Variants in MYOM2 observed in about 807,000 individuals in gnomAD.
MYOM2 encodes myomesin 2.
MYOM2 carries 254 observed loss-of-function variants against 187.6 expected under a neutral mutation model. That is an observed-to-expected ratio of 1.35 (90% CI 1.22 to 1.50). The LOEUF is 1.50. Among genes scored for constraint, MYOM2 ranks in the 40% most tolerant of loss-of-function variants. MYOM2 has a pLI of 0.00. For missense variants in MYOM2, 2,796 were observed against 1,924.0 expected, an observed-to-expected ratio of 1.45 and a Z score of -8.48; for synonymous variants, 981 against 753.8, an observed-to-expected ratio of 1.30 and a Z score of -4.94.
chr8:2,115,815 A>AGGTT, intron 25 of MYOM2, 145 bp from the exon 26 acceptor site: 1 of 837,348 alleles, frequency 1.2e-6, no homozygotes, highest in Non-Finnish European at 1.8e-6. Flanking sequence ...GTTCACCCAG[A>AGGTT]GGTTTCCTTG....
At chr8:2,059,079 G>T in intron 5 of MYOM2, 74 bp from the exon 6 acceptor site, 1 of 1,279,816 alleles carries the variant, frequency 7.8e-7, no homozygotes, top group East Asian at 2.3e-5. Flanking sequence ...CAGGCGCGGG[G>T]GAGCTGGGGC....
intron 13 of MYOM2, among the ~76,000 whole-genome samples, chr8:2,079,898 G>A (rs1425035958): frequency 6.6e-6 from 1 of 152,228 alleles, no homozygotes; most frequent in Admixed American, 6.5e-5. Context: ...GACTTGTAGA[G>A]AAGAAACCAA....
intron 6 of MYOM2, among the ~76,000 whole-genome samples, chr8:2,068,867 T>C (rs766418613): frequency 6.6e-6 from 1 of 152,180 alleles, no homozygotes; most frequent in Non-Finnish European, 1.5e-5. Flanking sequence ...CCAGGCAGGC[T>C]CTGTATCATC....
chr8:2,076,246 C>T lies in MYOM2; in HGVS notation c.1226C>T (p.Thr409Ile), dbSNP rs567696131. ...VIVTWKPPNT[T>I]TESPVMGYFV... The stretch of plus-strand genomic sequence containing the variant: ...GTGACCTGGAAGCCGCCCAACACCA[C>T]CACTGAGAGCCCCGTCATGGGCTAT... Residue 409 changes from threonine (T) to isoleucine (I), a missense_variant, in exon 11 of 37, where the codon ACC (threonine) becomes ATC (isoleucine). Thr to Ile is a moderately conservative substitution (Grantham distance 89). Transcript: ENST00000262113. The T allele has an allele frequency of 2.5e-6, 4 of 1,613,642 alleles. No homozygotes were observed. Among genetic ancestry groups the T allele is most frequent in the Non-Finnish European group, 3.4e-6 (4 of 1,179,938 alleles).
chr8:2,134,196 G>A (rs1477985860), intron 32 of MYOM2, among the ~76,000 whole-genome samples: 1 of 152,100 alleles, frequency 6.6e-6, no homozygotes, highest in Non-Finnish European at 1.5e-5. Flanking sequence ...GTCCCATGTT[G>A]TGATTAGGTG....
At chr8:2,125,607 T>TC (rs1797608147) in intron 31 of MYOM2, among the ~76,000 whole-genome samples, 1 of 111,584 alleles carries the variant, frequency 9.0e-6, no homozygotes, top group Non-Finnish European at 1.9e-5. Context: ...ATTTTTCCTT[T>TC]TTTTTTTTTT....
At chr8:2,049,185 G>C (rs1339567305) in intron 1 of MYOM2, among the ~76,000 whole-genome samples, 1 of 152,180 alleles carries the variant, frequency 6.6e-6, no homozygotes, top group African/African-American at 2.4e-5. Flanking sequence ...GCCCTCCCAG[G>C]GTGGGGTGGT....
At chr8:2,068,463 G>A (rs13282519) in intron 6 of MYOM2, among the ~76,000 whole-genome samples, 21,026 of 145,272 alleles carry the variant, frequency 0.14, 1,573 homozygotes, top group East Asian at 0.23. Flanking sequence ...TGCACCAGGC[G>A]GAGAGCATCC....
At chr8:2,054,036 C>T (rs758860599) in intron 3 of MYOM2, among the ~76,000 whole-genome samples, 5 of 152,150 alleles carry the variant, frequency 3.3e-5, no homozygotes, top group African/African-American at 9.7e-5. Context: ...GATGAGTGAG[C>T]CCCGTGCTGA....
chr8:2,094,033 TGTG>T lies in MYOM2; in HGVS notation c.2069_2071del (p.Val690del). The T allele has an allele frequency of 1.2e-6, 2 of 1,614,158 alleles. No homozygotes were observed. The highest frequency in any genetic ancestry group is 1.7e-6 in the Non-Finnish European group (2 of 1,180,032). On this transcript the variant is annotated inframe_deletion, in exon 17 of 37. Transcript: ENST00000262113. Reference sequence around the variant, plus strand: ...TCTTCCGAGTCAAGGCGGTCAATGCTGTGGGGATGAGTGAAAATTCCCAGGAAT... The same window carrying T: ...TCTTCCGAGTCAAGGCGGTCAATGCTGGGATGAGTGAAAATTCCCAGGAAT...
At chr8:2,054,305 C>T (rs544614530) in intron 3 of MYOM2, among the ~76,000 whole-genome samples, 15 of 152,070 alleles carry the variant, frequency 9.9e-5, no homozygotes, top group South Asian at 4.2e-4. Context: ...CTGGAAGATA[C>T]GACCCCGATG....
intron 15 of MYOM2, among the ~76,000 whole-genome samples, chr8:2,092,112 G>C (rs1205408514): frequency 6.6e-6 from 1 of 152,078 alleles, no homozygotes; most frequent in South Asian, 2.1e-4. Flanking sequence ...ATGTCATCCT[G>C]TGTCTCTAGG....
intron 31 of MYOM2, among the ~76,000 whole-genome samples, chr8:2,126,664 G>T (rs1401680822): frequency 1.3e-5 from 2 of 150,928 alleles, no homozygotes; most frequent in African/African-American, 4.9e-5. Context: ...ACCGGGAGAG[G>T]CTGATGGAGG....
rs969506554 is a variant in MYOM2 at position 2,090,938 on chromosome 8, A to T, written c.1828+747A>T. ...AGTGCTGCAATGAACATTCGCATCCATATGTCTTTATGGTAGAATGATTTA... is the reference window on the plus strand; with the variant it reads ...AGTGCTGCAATGAACATTCGCATCCTTATGTCTTTATGGTAGAATGATTTA... On this transcript the variant is annotated intron_variant, in intron 15 of 36. Coordinates refer to ENST00000262113, the MANE Select transcript of MYOM2 (RefSeq NM_003970.4). Among the ~76,000 whole-genome samples, 10 of 149,636 alleles carry T rather than the reference A, an allele frequency of 6.7e-5. 1 individual carries two copies. Among genetic ancestry groups the T allele is most frequent in the Middle Eastern group, 7.3e-3 (2 of 274 alleles).
chr8:2,141,175 C>T lies in MYOM2; in HGVS notation c.3999C>T (p.Phe1333=). 1.2e-6 allele frequency: 2 copies of T among 1,612,122 alleles called. No homozygotes were observed. The highest frequency in any genetic ancestry group is 1.1e-5 in the South Asian group (1 of 90,790). The change falls in exon 34 of 37, where the codon TTC becomes TTT. Residue 1333 remains phenylalanine (F), a splice_region_variant and synonymous_variant. Transcript: ENST00000262113. ...AAGCATTTGCAGAATTCCAGCAATT[C>T]AAGTAAGATTTGTGTATTTAGTTAC... The part of the protein sequence containing the change: ...FDEAFAEFQQ[F]KAAAFAEKNR...
intron 11 of MYOM2, among the ~76,000 whole-genome samples, chr8:2,077,495 C>A (rs546012442): frequency 3.3e-5 from 5 of 152,218 alleles, no homozygotes; most frequent in South Asian, 4.1e-4. Flanking sequence ...TCTCTTTTCT[C>A]TTCCAACAAA....
chr8:2,090,191 G>A lies in MYOM2; in HGVS notation c.1828G>A (p.Val610Ile), dbSNP rs748501449. 12 of 1,610,958 alleles carry A rather than the reference G, an allele frequency of 7.4e-6. No individual in the cohort carries two copies. Among genetic ancestry groups the A allele is most frequent in the South Asian group, 2.2e-5 (2 of 90,862 alleles). ...CCCCATTCAGGCCCAGGATGTGACC[G>A]GTGAGCTGTCACACTGGGTGGCCCC... ...TSPIQAQDVT[V>I]VPSAPGRVLA... is the part of the protein sequence containing the mutation. The change falls in exon 15 of 37, where the codon GTT becomes ATT. Residue 610 changes from valine to isoleucine, a missense_variant and splice_region_variant. Transcript: ENST00000262113.
intron 2 of MYOM2, 129 bp from the exon 3 acceptor site, chr8:2,052,029 G>C: frequency 9.2e-7 from 1 of 1,088,488 alleles, no homozygotes; most frequent in Non-Finnish European, 1.4e-6. Context: ...GCCTGTGCAT[G>C]TGTGTGTTTG....
At chr8:2,116,313 G>C (rs775089717) in intron 27 of MYOM2, 38 bp downstream of exon 27, 1 of 1,577,562 alleles carries the variant, frequency 6.3e-7, no homozygotes, top group Admixed American at 1.8e-5. Flanking sequence ...CCTGCCCCTA[G>C]CATAAAGCAA....
Sources: allele counts gnomAD v4.1 joint callset (sites outside exome capture counted in the v4.1 genomes callset), GRCh38; gene constraint gnomAD v4.1.1; transcripts MANE v1.5; gene names NCBI Gene and HGNC (gene_info 2026-07-23, HGNC 2026-07-21).